Variants in SLC4A10 observed in about 807,000 individuals in gnomAD.
SLC4A10 encodes the protein sodium-driven chloride bicarbonate exchanger.
A neutral mutation model predicts 137.7 loss-of-function variants in SLC4A10; 42 were observed. The observed-to-expected ratio is 0.30, with a 90% CI of 0.24 to 0.39. SLC4A10 has a LOEUF of 0.39. SLC4A10 is among the 10% of genes least tolerant of loss of function. The pLI is 1.00. For missense variants in SLC4A10, 925 were observed against 1,355.0 expected (o/e 0.68, Z 4.98); for synonymous variants, 474 against 464.1 (o/e 1.02, Z -0.27).
intron 1 of SLC4A10, among the ~76,000 whole-genome samples, chr2:161,654,086 G>A (rs2037182373): frequency 6.6e-6 from 1 of 152,160 alleles, no homozygotes; most frequent in South Asian, 2.1e-4. Flanking sequence ...CCACAGGTGT[G>A]AAGTGATGTC....
At chr2:161,982,266 G>C (rs1700321620) in intron 26 of SLC4A10, among the ~76,000 whole-genome samples, 1 of 152,162 alleles carries the variant, frequency 6.6e-6, no homozygotes, top group Non-Finnish European at 1.5e-5. Context: ...AGATGAGGAG[G>C]GTTTTGCTGT....
At chr2:161,818,116 G>A (rs1250923934) in intron 3 of SLC4A10, among the ~76,000 whole-genome samples, 3 of 152,112 alleles carry the variant, frequency 2.0e-5, no homozygotes, top group Admixed American at 6.5e-5. Flanking sequence ...CCATGAGCAT[G>A]GAATGTTCTT....
chr2:161,864,787 A>G (rs148124882), intron 6 of SLC4A10, among the ~76,000 whole-genome samples: 36 of 152,280 alleles, frequency 2.4e-4, no homozygotes, highest in African/African-American at 7.9e-4. Context: ...TATGTGATAC[A>G]TAAGATAACA....
At chr2:161,859,296 C>CTT (rs1553597581) in intron 5 of SLC4A10, among the ~76,000 whole-genome samples, 1 of 142,634 alleles carries the variant, frequency 7.0e-6, no homozygotes, top group Non-Finnish European at 1.5e-5. Context: ...CTTTTCTTTT[C>CTT]TTTTTTTTTT....
At chr2:161,933,241 T>TTCTTTCTG (rs1690895269) in intron 15 of SLC4A10, among the ~76,000 whole-genome samples, 1 of 134,628 alleles carries the variant, frequency 7.4e-6, no homozygotes, top group Non-Finnish European at 1.6e-5. Context: ...CTTTCTTTCT[T>TTCTTTCTG]TCTTTCTTTC....
At position 161,863,021 on chromosome 2, in the gene SLC4A10, T is replaced by C. The variant is rs1299615928; in HGVS notation, c.725T>C (p.Ile242Thr). 1.9e-6 allele frequency: 3 copies of C among 1,613,940 alleles called. No individual in the cohort carries two copies. The highest frequency in any genetic ancestry group is 1.1e-5 in the South Asian group (1 of 91,076). The change falls in exon 6 of 27, where the codon ATT becomes ACT. Residue 242 changes from isoleucine to threonine, a missense_variant. By Grantham distance (89) the Ile-to-Thr change is moderately conservative. Transcript: ENST00000446997. ...RIPIVRSFAD[I>T]GKKQSEPNSM... ...CCCATTGTTCGTTCCTTTGCTGATA[T>C]TGGCAAGAAACAGTCAGAACCAAAT...
intron 16 of SLC4A10, among the ~76,000 whole-genome samples, chr2:161,944,100 A>G (rs1693254804): frequency 2.0e-5 from 3 of 151,786 alleles, no homozygotes; most frequent in Admixed American, 6.6e-5. Flanking sequence ...ATTCTGTTCC[A>G]CCTATTTTTC....
intron 1 of SLC4A10, among the ~76,000 whole-genome samples, chr2:161,739,142 A>G (rs1316661997): frequency 6.6e-6 from 1 of 152,176 alleles, no homozygotes; most frequent in Non-Finnish European, 1.5e-5. Flanking sequence ...TGGGGAGGAA[A>G]GAAAAACAGT....
At chr2:161,817,905 A>G (rs1186372831) in intron 3 of SLC4A10, among the ~76,000 whole-genome samples, 1 of 151,724 alleles carries the variant, frequency 6.6e-6, no homozygotes. Context: ...GTTTGAAGTC[A>G]GGTAGCGTGA....
intron 14 of SLC4A10, among the ~76,000 whole-genome samples, chr2:161,905,437 C>T (rs1207370951): frequency 6.6e-6 from 1 of 152,186 alleles, no homozygotes; most frequent in African/African-American, 2.4e-5. Context: ...TGCCACTCAC[C>T]TCCTGCTGTG....
intron 21 of SLC4A10, among the ~76,000 whole-genome samples, chr2:161,960,363 CAAAAAAAAAA>C (rs369670130): frequency 2.2e-4 from 10 of 46,034 alleles, no homozygotes; most frequent in Non-Finnish European, 4.4e-4. Context: ...GACTCTGTCT[CAAAAAAAAAA>C]AAAAAAAAAA....
intron 3 of SLC4A10, among the ~76,000 whole-genome samples, chr2:161,825,462 T>C (rs1023503462): frequency 6.6e-6 from 1 of 152,198 alleles, no homozygotes; most frequent in South Asian, 2.1e-4. Flanking sequence ...TGCACTCTTT[T>C]CTGCGTTACT....
intron 15 of SLC4A10, among the ~76,000 whole-genome samples, chr2:161,933,497 A>C (rs1401460914): frequency 1.3e-5 from 2 of 151,906 alleles, no homozygotes; most frequent in African/African-American, 2.4e-5. Context: ...GGCTCAAGCA[A>C]TACTTCTGCC....
intron 3 of SLC4A10, among the ~76,000 whole-genome samples, chr2:161,812,365 C>A (rs2056634677): frequency 6.6e-6 from 1 of 151,822 alleles, no homozygotes; most frequent in Non-Finnish European, 1.5e-5. Context: ...CTACATATAT[C>A]TTTCATTTTT....
chr2:161,821,483 G>T (rs563934300), intron 3 of SLC4A10, among the ~76,000 whole-genome samples: 4 of 152,228 alleles, frequency 2.6e-5, no homozygotes, highest in Admixed American at 6.5e-5. Context: ...AGACAATTCT[G>T]CCAGGTGCTG....
chr2:161,934,715 A>T (rs545341414), intron 15 of SLC4A10, among the ~76,000 whole-genome samples: 32 of 152,052 alleles, frequency 2.1e-4, no homozygotes, highest in African/African-American at 7.5e-4. Flanking sequence ...GCATTTTTTC[A>T]CATACCATTG....
intron 22 of SLC4A10, among the ~76,000 whole-genome samples, chr2:161,964,614 A>AT (rs1430891481): frequency 6.6e-6 from 1 of 152,172 alleles, no homozygotes; most frequent in Admixed American, 6.5e-5. Flanking sequence ...AAAAATTAGG[A>AT]TTTTTAAAAT....
At chr2:161,865,709 A>T (rs1212983745) in intron 6 of SLC4A10, among the ~76,000 whole-genome samples, 1 of 152,050 alleles carries the variant, frequency 6.6e-6, no homozygotes, top group Non-Finnish European at 1.5e-5. Flanking sequence ...AAAAAAGTAC[A>T]AAAGACCTTT....
At position 161,894,080 on chromosome 2, in the gene SLC4A10, A is replaced by G. The variant is rs2063198260; in HGVS notation, c.1195-599A>G. Among the ~76,000 whole-genome samples the G allele has an allele frequency of 2.0e-5, 3 of 152,060 alleles. No homozygotes were observed. In the South Asian group the frequency reaches 6.2e-4, roughly 32 times the overall value. ...TAGGGGATCCTCTAAATATAGGAGT[A>G]TATGCATAGGTTATGTGCAAATACC... On this transcript the variant is annotated intron_variant, in intron 10 of 26. Coordinates refer to ENST00000446997, the MANE Select transcript of SLC4A10 (RefSeq NM_001178015.2).
Sources: allele counts gnomAD v4.1 joint callset (sites outside exome capture counted in the v4.1 genomes callset), GRCh38; gene constraint gnomAD v4.1.1; transcripts MANE v1.5; gene names NCBI Gene and HGNC (gene_info 2026-07-23, HGNC 2026-07-21).